The following ITGB8 variants were observed in gnomAD, a reference collection of about 807,000 sequenced individuals.
The protein encoded by ITGB8 is integrin beta-8.
ITGB8 carries 30 observed loss-of-function variants against 89.5 expected under a neutral mutation model. That is an observed-to-expected ratio of 0.34 (90% confidence interval 0.25 to 0.45). The LOEUF (loss-of-function observed/expected upper bound fraction) is 0.45, where lower values mean the gene tolerates loss of function less well. ITGB8 is among the 20% of genes least tolerant of loss of function. The probability of loss-of-function intolerance (pLI) is 1.00; values close to 1 mark genes in which losing one functional copy is unlikely to be tolerated. For synonymous variants in ITGB8, 335 were observed against 320.4 expected (o/e 1.05, Z -0.49); for missense variants, 836 against 933.3 (o/e 0.90, Z 1.36).
At chr7:20,389,713 C>T (rs1786776190) in intron 6 of ITGB8, among the ~76,000 whole-genome samples, 1 of 152,186 alleles carries the variant, frequency 6.6e-6, no homozygotes. Context: ...GACAGATTTA[C>T]CTTGCCTCTG....
chr7:20,355,797 G>A (rs951853743), intron 1 of ITGB8, among the ~76,000 whole-genome samples: 6 of 152,224 alleles, frequency 3.9e-5, no homozygotes, highest in African/African-American at 1.4e-4. Context: ...AGTATTTCCT[G>A]AAAGCGTAAT....
At chr7:20,385,309 A>G (rs145367343) in intron 6 of ITGB8, among the ~76,000 whole-genome samples, 150 of 152,372 alleles carry the variant, frequency 9.8e-4, no homozygotes, top group African/African-American at 3.4e-3. Flanking sequence ...CAAATTGGCA[A>G]GATCCTACCA....
At chr7:20,333,084 G>T (rs1300504571) in intron 1 of ITGB8, among the ~76,000 whole-genome samples, 1 of 151,916 alleles carries the variant, frequency 6.6e-6, no homozygotes. Context: ...AAAGTGTCAA[G>T]GTTTTGCCTG....
In ITGB8 at chr7:20,391,469, G is replaced by A. The variant is rs1182424227; in HGVS notation, c.1027G>A (p.Val343Ile). Residue 343 changes from valine (V) to isoleucine (I), a missense_variant, in exon 7 of 14, where the codon GTT becomes ATT. Transcript: ENST00000222573. ...CAACAACATTAATGTCATCTTTGCA[G>A]TTCAAGGAAAACAATTTCATTGGTA... The part of the protein sequence containing the change: ...IDNNINVIFA[V>I]QGKQFHWYKD... 1 of 1,601,306 alleles carries A rather than the reference G, an allele frequency of 6.2e-7. No individual in the cohort carries two copies. The highest frequency in any genetic ancestry group is 8.5e-7 in the Non-Finnish European group (1 of 1,172,840).
At chr7:20,386,053 G>A (rs190624692) in intron 6 of ITGB8, among the ~76,000 whole-genome samples, 3 of 152,224 alleles carry the variant, frequency 2.0e-5, no homozygotes, top group Non-Finnish European at 2.9e-5. Flanking sequence ...TGTCTCAGAT[G>A]CATACTAATA....
rs1011413335 is a variant in ITGB8 at position 20,413,149 on chromosome 7, T to C, written c.*3152T>C. The C allele has an allele frequency of 6.6e-6, 1 of 152,160 alleles. No homozygotes were observed. Among genetic ancestry groups the C allele is most frequent in the African/African-American group, 2.4e-5 (1 of 41,462 alleles). 9.4% of individuals were successfully genotyped at this position (152,160 alleles called of 1,614,324 possible). A position where few individuals can be genotyped will look rare whatever the true frequency, so the allele number is the denominator to read the frequency against. On this transcript the variant is annotated 3_prime_UTR_variant, in exon 14 of 14. Coordinates refer to ENST00000222573, the MANE Select transcript of ITGB8 (RefSeq NM_002214.3). ...ATATTTTTGGAAACTTGCTAATATT[T>C]ATTAAGTCATAGACTTTTCTGGAGG... is the stretch of plus-strand genomic sequence containing the variant.
At chr7:20,363,509 TG>T in intron 1 of ITGB8, 127 bp from the exon 2 acceptor site, 1 of 468,824 alleles carries the variant, frequency 2.1e-6, no homozygotes, top group East Asian at 3.3e-5. Context: ...GTCAGATTTT[TG>T]TAATAAAAGG....
intron 6 of ITGB8, among the ~76,000 whole-genome samples, chr7:20,386,285 C>T (rs1786615599): frequency 6.6e-6 from 1 of 150,532 alleles, no homozygotes. Context: ...GTCGCCCAGG[C>T]TGGAGTACAG....
intron 7 of ITGB8, among the ~76,000 whole-genome samples, chr7:20,392,712 A>T (rs1786913474): frequency 1.3e-5 from 2 of 152,182 alleles, no homozygotes; most frequent in Admixed American, 6.5e-5. Context: ...ATTATCTATC[A>T]TTCTACATCA....
Position 20,379,316 on chromosome 7 carries a change from G to T in ITGB8, c.635+19G>T. 2 of 1,435,358 alleles carry T rather than the reference G, an allele frequency of 1.4e-6. No homozygotes were observed. The highest frequency in any genetic ancestry group is 1.8e-6 in the Non-Finnish European group (2 of 1,083,440). The allele number at this position is 1,435,358 out of a possible 1,614,324, so 88.9% of individuals were successfully genotyped here. A position where few individuals can be genotyped will look rare whatever the true frequency, so the allele number is the denominator to read the frequency against. On this transcript the variant is annotated intron_variant, in intron 4 of 13. Coordinates refer to ENST00000222573, the MANE Select transcript of ITGB8 (RefSeq NM_002214.3). ...AATGCAGGTATCTAGGGTTTGATGT[G>T]GATATGCTAAATTAATTTTTTGCTT...
At chr7:20,356,617 A>G (rs988944054) in intron 1 of ITGB8, among the ~76,000 whole-genome samples, 7 of 152,222 alleles carry the variant, frequency 4.6e-5, no homozygotes, top group Non-Finnish European at 1.0e-4. Flanking sequence ...CTGGAAAAAA[A>G]TGCATTTCTC....
In ITGB8 at chr7:20,380,949, T is replaced by TA. The variant is rs1786354019; in HGVS notation, c.801+119dup. On this transcript the variant is annotated intron_variant, in intron 5 of 13. Coordinates refer to ENST00000222573, the MANE Select transcript of ITGB8 (RefSeq NM_002214.3). ...ACGTAGTGTAGAAGAAAACATATCTTACTATCTCTTACTCCTCACCAAGGT... is the reference window on the plus strand; with the variant it reads ...ACGTAGTGTAGAAGAAAACATATCTTAACTATCTCTTACTCCTCACCAAGGT... 21 of 799,340 alleles carry TA rather than the reference T, an allele frequency of 2.6e-5. No homozygotes were observed. In the East Asian group the frequency reaches 5.3e-4, roughly 20 times the overall value. The allele number at this position is 799,340 out of a possible 1,614,324, so 49.5% of individuals were successfully genotyped here. A position where few individuals can be genotyped will look rare whatever the true frequency, so the allele number is the denominator to read the frequency against.
At chr7:20,333,734 A>G (rs1784489458) in intron 1 of ITGB8, among the ~76,000 whole-genome samples, 1 of 152,214 alleles carries the variant, frequency 6.6e-6, no homozygotes, top group African/African-American at 2.4e-5. Context: ...CTGAAATCAG[A>G]ACAAGGCATC....
Position 20,379,200 on chromosome 7 carries a change from T to G in ITGB8, c.538T>G (p.Phe180Val), listed in dbSNP as rs1268230152. 3 of 1,612,634 alleles carry G rather than the reference T, an allele frequency of 1.9e-6. No individual in the cohort carries two copies. Among genetic ancestry groups the G allele is most frequent in the Admixed American group, 1.7e-5 (1 of 59,824 alleles). ...GNDLSRKMAF[F>V]SRDFRLGFGS... Reference sequence around the variant, plus strand: ...CGATTTATCTAGAAAAATGGCATTTTTCTCCCGTGACTTTCGTCTTGGATT... The same window carrying G: ...CGATTTATCTAGAAAAATGGCATTTGTCTCCCGTGACTTTCGTCTTGGATT... The change falls in exon 4 of 14, where the codon TTC becomes GTC. Residue 180 changes from phenylalanine to valine, a missense_variant. Phe to Val is a conservative substitution (Grantham distance 50, BLOSUM62 -1). Coordinates refer to ENST00000222573, the MANE Select transcript of ITGB8 (RefSeq NM_002214.3).
chr7:20,390,393 G>GA (rs1201520523), intron 6 of ITGB8, among the ~76,000 whole-genome samples: 3 of 151,938 alleles, frequency 2.0e-5, no homozygotes, highest in African/African-American at 7.2e-5. Context: ...AGTATTTATA[G>GA]AAAAAATATT....
chr7:20,394,919 C>G lies in ITGB8; in HGVS notation c.1080C>G (p.Gly360=). 1 of 1,613,386 alleles carries G rather than the reference C, an allele frequency of 6.2e-7. No individual in the cohort carries two copies. The highest frequency in any genetic ancestry group is 8.5e-7 in the Non-Finnish European group (1 of 1,179,374). The change falls in exon 8 of 14, where the codon GGC becomes GGG. Residue 360 remains glycine (G), a synonymous_variant. Transcript: ENST00000222573. ...AGGATCTTCTACCCCTCTTGCCAGG[C>G]ACCATTGCTGGTGAAATAGAATCAA... The part of the protein sequence containing the change: ...WYKDLLPLLP[G]TIAGEIESKA...
At chr7:20,405,433 C>T (rs1461175441) in intron 11 of ITGB8, among the ~76,000 whole-genome samples, 1 of 150,566 alleles carries the variant, frequency 6.6e-6, no homozygotes, top group Non-Finnish European at 1.5e-5. Flanking sequence ...GCCTCAGCCT[C>T]CCGAGTAGCT....
At chr7:20,382,861 C>T (rs190654395) in intron 6 of ITGB8, among the ~76,000 whole-genome samples, 49 of 152,158 alleles carry the variant, frequency 3.2e-4, no homozygotes, top group African/African-American at 1.1e-3. Context: ...TTTCTTCTTC[C>T]GTGTTGATTT....
intron 2 of ITGB8, chr7:20,366,791 G>T: frequency 2.3e-6 from 1 of 430,802 alleles, no homozygotes; most frequent in Non-Finnish European, 4.0e-6. Flanking sequence ...GCCAACCAGA[G>T]AAACTTCAGT....
Sources: allele counts gnomAD v4.1 joint callset (sites outside exome capture counted in the v4.1 genomes callset), GRCh38; gene constraint gnomAD v4.1.1; transcripts MANE v1.5; gene names NCBI Gene and HGNC (gene_info 2026-07-23, HGNC 2026-07-21).